The following LDB2 variants were observed in gnomAD, a reference collection of about 807,000 sequenced individuals.
LDB2 encodes LIM domain-binding protein 2.
LDB2 carries 12 observed loss-of-function variants against 44.3 expected under a neutral mutation model. That is an observed-to-expected ratio of 0.27 (90% CI 0.17 to 0.44). LDB2 has a LOEUF of 0.44. Among genes scored for constraint, LDB2 ranks in the 20% least tolerant of loss-of-function variants. The pLI, the probability that LDB2 is intolerant of heterozygous loss-of-function variation, is 1.00. For missense variants in LDB2, 344 were observed against 473.5 expected, an observed-to-expected ratio of 0.73 and a Z score of 2.54; for synonymous variants, 164 against 174.8, an observed-to-expected ratio of 0.94 and a Z score of 0.49.
Position 16,766,652 on chromosome 4 carries a change from C to T in LDB2, c.133-7392G>A, listed in dbSNP as rs185137507. On this transcript the variant is annotated intron_variant, in intron 1 of 7. Coordinates refer to ENST00000304523, the MANE Select transcript of LDB2 (RefSeq NM_001290.5). The stretch of plus-strand genomic sequence containing the variant: ...ACGCGAGTAGCTGGGATTATAGGCG[C>T]CCACCACCACGCCCAGCTAATTTTT... Among the ~76,000 whole-genome samples the T allele has an allele frequency of 1.5e-3, 223 of 151,482 alleles. 5 individuals are homozygous for T. In the East Asian group the frequency reaches 0.037, roughly 25 times the overall value.
intron 1 of LDB2, among the ~76,000 whole-genome samples, chr4:16,858,845 C>T (rs1398889761): frequency 6.6e-6 from 1 of 152,170 alleles, no homozygotes; most frequent in Non-Finnish European, 1.5e-5. Flanking sequence ...CTTTCCGTAT[C>T]GTTGCCCAAG....
intron 5 of LDB2, among the ~76,000 whole-genome samples, chr4:16,555,777 G>C (rs967198735): frequency 2.0e-5 from 3 of 152,152 alleles, no homozygotes; most frequent in East Asian, 1.9e-4. Flanking sequence ...CAGGTGTTTA[G>C]ATTATGTCTC....
rs550466981 is a variant in LDB2 at position 16,717,626 on chromosome 4, C to T, written c.235+41532G>A. On this transcript the variant is annotated intron_variant, in intron 2 of 7. Coordinates refer to ENST00000304523, the MANE Select transcript of LDB2 (RefSeq NM_001290.5). ...AAAGCATCAGCATTTAGCTGCCACA[C>T]AGACCAGCAAGTGAACAATGAATCC... Among the ~76,000 whole-genome samples the T allele has an allele frequency of 3.3e-5, 5 of 152,294 alleles. No homozygotes were observed. In the South Asian group the frequency reaches 1.0e-3, roughly 32 times the overall value.
intron 5 of LDB2, among the ~76,000 whole-genome samples, chr4:16,545,550 A>G (rs1326134310): frequency 2.0e-5 from 3 of 152,196 alleles, no homozygotes; most frequent in East Asian, 1.9e-4. Flanking sequence ...ATCCGCTTCA[A>G]TTATATATTT....
chr4:16,523,528 C>T (rs1560357725), intron 5 of LDB2, among the ~76,000 whole-genome samples: 1 of 152,182 alleles, frequency 6.6e-6, no homozygotes, highest in Non-Finnish European at 1.5e-5. Context: ...GTTACTTGAA[C>T]ACCTGGAATG....
At chr4:16,718,995 G>A (rs1757651301) in intron 2 of LDB2, among the ~76,000 whole-genome samples, 1 of 151,560 alleles carries the variant, frequency 6.6e-6, no homozygotes, top group Non-Finnish European at 1.5e-5. Flanking sequence ...ACACGTTGTA[G>A]CAAATTGTAC....
Position 16,509,948 on chromosome 4 carries a change from G to A in LDB2, c.740-1262C>T, listed in dbSNP as rs1577255687. Among the ~76,000 whole-genome samples the A allele has an allele frequency of 1.3e-5, 2 of 152,106 alleles. 1 individual carries two copies. Among genetic ancestry groups the A allele is most frequent in the East Asian group, 3.9e-4 (2 of 5,182 alleles). On this transcript the variant is annotated intron_variant, in intron 6 of 7. Coordinates refer to ENST00000304523, the MANE Select transcript of LDB2 (RefSeq NM_001290.5). ...TTGGGCAACATGGTGAACCCCATCT[G>A]TACAAAATATACACAGATTAGCCAG...
chr4:16,586,335 C>CAGGTCTA (rs1166818403), intron 4 of LDB2, among the ~76,000 whole-genome samples: 1 of 152,066 alleles, frequency 6.6e-6, no homozygotes, highest in Non-Finnish European at 1.5e-5. Flanking sequence ...AGGAGAGCTC[C>CAGGTCTA]AGGTCTAACG....
intron 5 of LDB2, among the ~76,000 whole-genome samples, chr4:16,541,863 A>AT (rs1733887741): frequency 6.6e-6 from 1 of 152,056 alleles, no homozygotes; most frequent in Non-Finnish European, 1.5e-5. Context: ...GCTCTGGGGA[A>AT]TGTGTGGGGA....
At chr4:16,657,223 G>A (rs761258473) in intron 2 of LDB2, among the ~76,000 whole-genome samples, 1 of 152,142 alleles carries the variant, frequency 6.6e-6, no homozygotes, top group African/African-American at 2.4e-5. Flanking sequence ...CCTAGAATGT[G>A]GTTACTAAAA....
chr4:16,815,603 C>T (rs963372671), intron 1 of LDB2, among the ~76,000 whole-genome samples: 4 of 152,104 alleles, frequency 2.6e-5, no homozygotes, highest in African/African-American at 9.7e-5. Context: ...CAGCCTTTTC[C>T]ACCTCTCCTC....
intron 1 of LDB2, among the ~76,000 whole-genome samples, chr4:16,765,896 G>C (rs1456589175): frequency 6.6e-6 from 1 of 152,108 alleles, no homozygotes; most frequent in Admixed American, 6.5e-5. Flanking sequence ...GCCACCTTTG[G>C]AGTATTATAC....
intron 5 of LDB2, among the ~76,000 whole-genome samples, chr4:16,516,690 TCTTTTC>T (rs978585776): frequency 6.6e-5 from 10 of 152,198 alleles, no homozygotes; most frequent in African/African-American, 2.4e-4. Flanking sequence ...GAGCTCATTG[TCTTTTC>T]CTTTTTTGCA....
At chr4:16,688,076 G>C (rs1294106519) in intron 2 of LDB2, among the ~76,000 whole-genome samples, 1 of 152,172 alleles carries the variant, frequency 6.6e-6, no homozygotes, top group Non-Finnish European at 1.5e-5. Context: ...AGACTTACGT[G>C]AATTATTCCA....
At chr4:16,861,885 T>C (rs1712706003) in intron 1 of LDB2, among the ~76,000 whole-genome samples, 1 of 152,210 alleles carries the variant, frequency 6.6e-6, no homozygotes, top group African/African-American at 2.4e-5. Flanking sequence ...CCTATACACC[T>C]GCGGGGATAC....
At chr4:16,623,015 C>T (rs1419809424) in intron 2 of LDB2, among the ~76,000 whole-genome samples, 3 of 152,170 alleles carry the variant, frequency 2.0e-5, no homozygotes, top group African/African-American at 7.2e-5. Context: ...CTATTCTATT[C>T]CAAAACCAAA....
intron 1 of LDB2, among the ~76,000 whole-genome samples, chr4:16,841,544 G>A (rs1359895400): frequency 6.6e-6 from 1 of 152,168 alleles, no homozygotes; most frequent in Non-Finnish European, 1.5e-5. Context: ...CTTCAAATGA[G>A]AACATTACTT....
chr4:16,857,572 C>T (rs1488552236), intron 1 of LDB2, among the ~76,000 whole-genome samples: 5 of 152,168 alleles, frequency 3.3e-5, no homozygotes, highest in African/African-American at 9.7e-5. Flanking sequence ...ACCTCCTGTC[C>T]CCGGACTGCC....
intron 2 of LDB2, among the ~76,000 whole-genome samples, chr4:16,675,052 C>T (rs1030605186): frequency 3.3e-5 from 5 of 152,144 alleles, no homozygotes; most frequent in Non-Finnish European, 4.4e-5. Flanking sequence ...ACTGTACCTT[C>T]GCAGTATCTT....
Sources: gnomAD v4.1 joint callset for allele counts (sites outside exome capture counted in the v4.1 genomes callset) on GRCh38, gnomAD v4.1.1 for gene constraint, MANE v1.5 for transcripts, NCBI Gene and HGNC (gene_info 2026-07-23, HGNC 2026-07-21) for gene names.